The following ACBD5 variants were observed in gnomAD, a reference collection of about 807,000 sequenced individuals.
ACBD5 encodes the protein acyl-CoA-binding domain-containing protein 5.
ACBD5 carries 40 observed loss-of-function variants against 71.8 expected under a neutral mutation model. That is an observed-to-expected ratio of 0.56 (90% CI 0.43 to 0.72). The LOEUF (loss-of-function observed/expected upper bound fraction) is 0.72. Ranked by LOEUF, ACBD5 falls within the 30% of genes least tolerant of loss-of-function variation. The pLI, the probability that ACBD5 is intolerant of heterozygous loss-of-function variation, is 0.00. For missense variants in ACBD5, 559 were observed against 644.5 expected (o/e 0.87, Z 1.44); for synonymous variants, 229 against 218.6 (o/e 1.05, Z -0.42).
At chr10:27,239,352 A>G (rs1286928668) in intron 2 of ACBD5, among the ~76,000 whole-genome samples, 4 of 152,256 alleles carry the variant, frequency 2.6e-5, no homozygotes, top group Non-Finnish European at 5.9e-5. Flanking sequence ...ATAAAATTAC[A>G]AATTCAAAAA....
At position 27,195,646 on chromosome 10, in the gene ACBD5, TAAATA is replaced by T. The variant is rs2059317508; in HGVS notation, c.*1779_*1783del. Reference sequence around the variant, plus strand: ...GTTGCTTGCTTCACTTTTTCCTAAATAAATAGGGAACACTTTTTTAAAAGCAAATA... The same window carrying T: ...GTTGCTTGCTTCACTTTTTCCTAAATGGGAACACTTTTTTAAAAGCAAATA... On this transcript the variant is annotated 3_prime_UTR_variant, in exon 13 of 13. Transcript: ENST00000396271. 1 of 422,432 alleles carries T rather than the reference TAAATA, an allele frequency of 2.4e-6. No homozygotes were observed. The highest frequency in any genetic ancestry group is 4.6e-6 in the Non-Finnish European group (1 of 217,152). 26.2% of individuals were successfully genotyped at this position (422,432 alleles called of 1,614,324 possible). A position where few individuals can be genotyped will look rare whatever the true frequency, so the allele number is the denominator to read the frequency against.
At chr10:27,221,317 AC>A (rs1259834973) in intron 5 of ACBD5, among the ~76,000 whole-genome samples, 9 of 152,236 alleles carry the variant, frequency 5.9e-5, no homozygotes, top group African/African-American at 2.2e-4. Flanking sequence ...GAGGAAAGAG[AC>A]TCAAAATACC....
At chr10:27,223,602 C>A in intron 4 of ACBD5, 150 bp from the exon 5 acceptor site, 1 of 702,354 alleles carries the variant, frequency 1.4e-6, no homozygotes, top group Non-Finnish European at 2.5e-6. Context: ...TAATTACATA[C>A]TTAATGTATA....
At position 27,240,536 on chromosome 10, in the gene ACBD5, C is replaced by T; in HGVS notation, c.16-52G>A. 2 of 1,555,500 alleles carry T rather than the reference C, an allele frequency of 1.3e-6. No individual in the cohort carries two copies. The highest frequency in any genetic ancestry group is 1.2e-5 in the South Asian group (1 of 85,264). On this transcript the variant is annotated intron_variant, in intron 1 of 12. Transcript: ENST00000396271. This position sits in a 1 kb window ranked among gnomAD's most constrained non-coding sequence, Gnocchi z 4.1. ...CAACATGCCCCAAAAGGAGGAGGCCCGGGAGCGAAGCGGGTCAGTTCCCCT... is the reference window on the plus strand; with the variant it reads ...CAACATGCCCCAAAAGGAGGAGGCCTGGGAGCGAAGCGGGTCAGTTCCCCT...
At position 27,195,607 on chromosome 10, in the gene ACBD5, T is replaced by C. The variant is rs2059313093; in HGVS notation, c.*1823A>G. Reference sequence around the variant, plus strand: ...GATCCACAGGTCTAAATGTTATTTTTACATATAAATTCAGTTGCTTGCTTC... The same window carrying C: ...GATCCACAGGTCTAAATGTTATTTTCACATATAAATTCAGTTGCTTGCTTC... On this transcript the variant is annotated 3_prime_UTR_variant, in exon 13 of 13. Coordinates refer to ENST00000396271, the MANE Select transcript of ACBD5 (RefSeq NM_145698.5). The C allele has an allele frequency of 2.3e-6, 1 of 428,562 alleles. No homozygotes were observed. The highest frequency in any genetic ancestry group is 4.6e-6 in the Non-Finnish European group (1 of 219,012). The allele number at this position is 428,562 out of a possible 1,614,324, so 26.5% of individuals were successfully genotyped here. A position where few individuals can be genotyped will look rare whatever the true frequency, so the allele number is the denominator to read the frequency against.
At chr10:27,204,372 G>A (rs1564572755) in intron 12 of ACBD5, 68 bp downstream of exon 12, 7 of 1,173,804 alleles carry the variant, frequency 6.0e-6, no homozygotes, top group Admixed American at 3.4e-5. Flanking sequence ...CTTAATTGCT[G>A]CTGAAAACTC....
In ACBD5 at chr10:27,219,809, C is replaced by T. The variant is rs766185402; in HGVS notation, c.539G>A (p.Gly180Asp). 1.2e-6 allele frequency: 2 copies of T among 1,614,024 alleles called. No individual in the cohort carries two copies. The highest frequency in any genetic ancestry group is 1.7e-6 in the Non-Finnish European group (2 of 1,179,986). The change falls in exon 6 of 13, where the codon GGT becomes GAT. Residue 180 changes from glycine (G) to aspartate (D), a missense_variant. Coordinates refer to ENST00000396271, the MANE Select transcript of ACBD5 (RefSeq NM_145698.5). ...TSTPNAKTVN[G>D]KAESSDSGAE... ...TCCACTGTCACTGCTTTCAGCTTTACCATTAACGGTTTTGGCGTTTGGAGT... is the reference window on the plus strand; with the variant it reads ...TCCACTGTCACTGCTTTCAGCTTTATCATTAACGGTTTTGGCGTTTGGAGT...
Position 27,240,459 on chromosome 10 carries a change from C to G in ACBD5, c.41G>C (p.Trp14Ser), listed in dbSNP as rs2065341972. 6.2e-7 allele frequency: 1 copy of G among 1,613,226 alleles called. No individual in the cohort carries two copies. Among genetic ancestry groups the G allele is most frequent in the African/African-American group, 1.3e-5 (1 of 75,016 alleles). Residue 14 changes from tryptophan (W) to serine (S), a missense_variant, in exon 2 of 13, where the codon TGG (tryptophan) becomes TCG (serine). Coordinates refer to ENST00000396271, the MANE Select transcript of ACBD5 (RefSeq NM_145698.5). This position sits in a 1 kb window ranked among gnomAD's most constrained non-coding sequence, Gnocchi z 4.1. ...GGCGGGAATCAGGCAGCAGCAGCAC[C>G]AGCTTTCCCAAGAGCCTGCATGAAA... ...LSFHAGSWES[W>S]CCCCLIPADR... is the part of the protein sequence containing the mutation.
chr10:27,207,955 A>G (rs1411082728), intron 10 of ACBD5, among the ~76,000 whole-genome samples: 1 of 152,092 alleles, frequency 6.6e-6, no homozygotes, highest in East Asian at 1.9e-4. Context: ...GTCTGGTCTC[A>G]AACTCCTGAA....
intron 12 of ACBD5, among the ~76,000 whole-genome samples, chr10:27,202,887 A>G (rs2060064984): frequency 6.6e-6 from 1 of 151,768 alleles, no homozygotes; most frequent in Non-Finnish European, 1.5e-5. Context: ...AACACTGTAG[A>G]GCACTAAACC....
At position 27,216,455 on chromosome 10, in the gene ACBD5, T is replaced by C. The variant is rs946039942; in HGVS notation, c.830-814A>G. ...CGCACTCAGCCAACTTTTGTATTTT[T>C]AGTAGAGACGGAGTTTCACATTGTT... On this transcript the variant is annotated intron_variant, in intron 7 of 12. Transcript: ENST00000396271. Among the ~76,000 whole-genome samples, 9 of 152,090 alleles carry C rather than the reference T, an allele frequency of 5.9e-5. 1 individual carries two copies. Among genetic ancestry groups the C allele is most frequent in the Admixed American group, 5.9e-4 (9 of 15,264 alleles).
At chr10:27,188,578 GTT>G (rs1225316091) in intron 13 of ACBD5, among the ~76,000 whole-genome samples, 1 of 152,200 alleles carries the variant, frequency 6.6e-6, no homozygotes, top group Non-Finnish European at 1.5e-5. Context: ...TCGGGGAAAT[GTT>G]CTCTGAGCAT....
rs2064472590 is a variant in ACBD5 at position 27,235,077 on chromosome 10, T to C, written c.302+15A>G. The C allele has an allele frequency of 6.2e-7, 1 of 1,613,066 alleles. No individual in the cohort carries two copies. Among genetic ancestry groups the C allele is most frequent in the Admixed American group, 1.7e-5 (1 of 60,000 alleles). The stretch of plus-strand genomic sequence containing the variant: ...TAAAATTTAAATTCTTGCATAGCTC[T>C]ACACAAAAAATTACCATTTATATCT... On this transcript the variant is annotated intron_variant, in intron 3 of 12. Coordinates refer to ENST00000396271, the MANE Select transcript of ACBD5 (RefSeq NM_145698.5).
chr10:27,203,109 G>C (rs1279983132), intron 12 of ACBD5, among the ~76,000 whole-genome samples: 1 of 149,972 alleles, frequency 6.7e-6, no homozygotes, highest in Non-Finnish European at 1.5e-5. Flanking sequence ...CGAGTATCTG[G>C]GACTAGAGGT....
chr10:27,241,726 A>C (rs561154394), upstream of ACBD5, among the ~76,000 whole-genome samples: 2 of 152,136 alleles, frequency 1.3e-5, no homozygotes, highest in Non-Finnish European at 1.5e-5. Flanking sequence ...TAATTAAAAA[A>C]AAAAATAAAA....
At chr10:27,194,940 G>A (rs985233235), downstream of ACBD5, among the ~76,000 whole-genome samples, 1 of 152,098 alleles carries the variant, frequency 6.6e-6, no homozygotes, top group Admixed American at 6.5e-5. Context: ...AGGTTGCAGT[G>A]AGCCGAGATC....
intron 13 of ACBD5, among the ~76,000 whole-genome samples, chr10:27,187,660 G>A (rs1420853870): frequency 6.6e-6 from 1 of 151,666 alleles, no homozygotes; most frequent in Non-Finnish European, 1.5e-5. Context: ...GCTGAGGCAT[G>A]AGAATCGCTT....
At position 27,219,597 on chromosome 10, in the gene ACBD5, T is replaced by C. The variant is rs117437717; in HGVS notation, c.625+126A>G. ...CCTTTTGGTCCACAGCAAACTTGTT[T>C]ATAAGGTCAACAGCTTACATCCCAC... is the stretch of plus-strand genomic sequence containing the variant. On this transcript the variant is annotated intron_variant, in intron 6 of 12. Coordinates refer to ENST00000396271, the MANE Select transcript of ACBD5 (RefSeq NM_145698.5). 1.3e-3 allele frequency: 1,677 copies of C among 1,323,566 alleles called. 29 individuals carry two copies. The East Asian group carries it at 0.036, about 29-fold the overall frequency. The allele number at this position is 1,323,566 out of a possible 1,614,324, so 82.0% of individuals were successfully genotyped here.
At chr10:27,228,450 G>A (rs899893086) in intron 4 of ACBD5, among the ~76,000 whole-genome samples, 4 of 151,690 alleles carry the variant, frequency 2.6e-5, no homozygotes, top group Admixed American at 6.6e-5. Flanking sequence ...GGTGGTTTGC[G>A]CCTGTAATCC....
Sources: allele counts gnomAD v4.1 joint callset (sites outside exome capture counted in the v4.1 genomes callset), GRCh38; gene constraint gnomAD v4.1.1; non-coding constraint Gnocchi (gnomAD v3.1); transcripts MANE v1.5; gene names NCBI Gene and HGNC (gene_info 2026-07-23, HGNC 2026-07-21).